Variants in FCN2 observed in about 807,000 individuals in gnomAD.
FCN2 encodes ficolin 2, also known as ficolin-2.
A neutral mutation model predicts 32.5 loss-of-function variants in FCN2; 31 were observed. The ratio of observed to expected loss-of-function variants is 0.96; its 90% CI spans 0.72 to 1.29. FCN2 has a LOEUF of 1.29. Ranked by LOEUF, FCN2 falls within the 50% of genes most tolerant of loss-of-function variation. The pLI is 0.00. For missense variants in FCN2, 412 were observed against 406.5 expected (o/e 1.01, Z -0.12); for synonymous variants, 181 against 164.5 (o/e 1.10, Z -0.77).
the FCN2 span, among the ~76,000 whole-genome samples, chr9:134,864,263 A>T: frequency 6.6e-6 from 1 of 152,202 alleles, no homozygotes; most frequent in Non-Finnish European, 1.5e-5. Flanking sequence ...TGCGGGCCTC[A>T]GGCAGTGTTC....
the FCN2 span, among the ~76,000 whole-genome samples, chr9:134,873,909 G>GTTTTTTTTTTTTTTTTTTTTTTTTTT: frequency 5.5e-5 from 1 of 18,334 alleles, no homozygotes; most frequent in Non-Finnish European, 1.0e-4. Context: ...GTTTTTTTTT[G>GTTTTTTTTTTTTTTTTTTTTTTTTTT]TTTTTGTTTT....
At position 134,887,202 on chromosome 9, in the gene FCN2, C is replaced by T. The variant is rs149631143; in HGVS notation, c.729C>T (p.Phe243=). The T allele has an allele frequency of 7.1e-4, 1,144 of 1,614,146 alleles. 7 individuals are homozygous for T. The African/African-American group carries it at 0.014, about 19-fold the overall frequency. The change falls in exon 8 of 8, where the codon TTC becomes TTT. Residue 243 remains phenylalanine (F), a synonymous_variant. Transcript: ENST00000291744. The stretch of plus-strand genomic sequence containing the variant: ...TGACGTTCCACAACAACCAGTCCTT[C>T]TCCACCAAAGACCAGGACAATGATC... ...DSLTFHNNQS[F]STKDQDNDLN...
intron 3 of FCN2, among the ~76,000 whole-genome samples, chr9:134,883,928 G>A (rs1471253126): frequency 6.7e-6 from 1 of 150,024 alleles, no homozygotes; most frequent in Admixed American, 6.6e-5. Flanking sequence ...CCCTGTGGGT[G>A]GGCCTGAGAC....
In FCN2 at chr9:134,886,515, G is replaced by A. The variant is rs1216528549; in HGVS notation, c.645G>A (p.Glu215=). 1.2e-6 allele frequency: 2 copies of A among 1,614,084 alleles called. No individual in the cohort carries two copies. Among genetic ancestry groups the A allele is most frequent in the African/African-American group, 1.3e-5 (1 of 74,928 alleles). The part of the protein sequence containing the change: ...AKYRSFKVAD[E]AEKYNLVLGA... ...ACAGATCATTCAAGGTGGCCGACGA[G>A]GCGGAGAAGTACAATCTGGTCCTGG... Residue 215 remains glutamate, a synonymous_variant, in exon 7 of 8, where the codon GAG becomes GAA. Coordinates refer to ENST00000291744, the MANE Select transcript of FCN2 (RefSeq NM_004108.3).
chr9:134,885,993 C>T, intron 6 of FCN2, 96 bp downstream of exon 6: 2 of 1,319,410 alleles, frequency 1.5e-6, no homozygotes, highest in Non-Finnish European at 1.0e-6. Flanking sequence ...AGCCTCTTGG[C>T]CCACAGGGGA....
At chr9:134,885,211 G>A in intron 4 of FCN2, 28 bp from the exon 5 acceptor site, 2 of 1,613,746 alleles carry the variant, frequency 1.2e-6, no homozygotes, top group Non-Finnish European at 1.7e-6. Flanking sequence ...CTCCTGTCCT[G>A]CAGCCATTCC....
chr9:134,877,872 T>G (rs923391753), upstream of FCN2, among the ~76,000 whole-genome samples: 2 of 152,184 alleles, frequency 1.3e-5, no homozygotes, highest in African/African-American at 2.4e-5. Flanking sequence ...TTGATTGGAT[T>G]GAAGGATGCT....
At chr9:134,885,426 C>G (rs942485294) in intron 5 of FCN2, 60 bp downstream of exon 5, 5 of 1,595,812 alleles carry the variant, frequency 3.1e-6, no homozygotes, top group Admixed American at 3.5e-5. Context: ...AGGCTGCACA[C>G]CTGGTGGGAG....
rs1564209129 is a variant in FCN2 at position 134,887,219 on chromosome 9, A to G, written c.746A>G (p.Asp249Gly). Residue 249 changes from aspartate to glycine, a missense_variant, in exon 8 of 8, where the codon GAC becomes GGC. By Grantham distance (94) the Asp-to-Gly change is moderately conservative. Transcript: ENST00000291744. ...CAGTCCTTCTCCACCAAAGACCAGG[A>G]CAATGATCTTAACACCGGAAATTGT... ...NNQSFSTKDQDNDLNTGNCAV... is the reference protein window; with the variant it reads ...NNQSFSTKDQGNDLNTGNCAV... 3.1e-6 allele frequency: 5 copies of G among 1,614,054 alleles called. No individual in the cohort carries two copies. The highest frequency in any genetic ancestry group is 3.4e-6 in the Non-Finnish European group (4 of 1,179,974).
the FCN2 span, among the ~76,000 whole-genome samples, chr9:134,872,477 T>A: frequency 2.6e-5 from 4 of 152,150 alleles, no homozygotes; most frequent in Non-Finnish European, 5.9e-5. Flanking sequence ...GTACGATAGG[T>A]GTATTAGCCC....
chr9:134,887,086 G>A (rs1431378958), intron 7 of FCN2, 82 bp from the exon 8 acceptor site: 8 of 1,543,168 alleles, frequency 5.2e-6, no homozygotes, highest in Non-Finnish European at 7.2e-6. Context: ...GGACACACCA[G>A]GCCAGGCCTC....
chr9:134,868,757 C>T, the FCN2 span, among the ~76,000 whole-genome samples: 2 of 152,200 alleles, frequency 1.3e-5, no homozygotes, highest in African/African-American at 4.8e-5. This position sits in a 1 kb window ranked among gnomAD's most constrained non-coding sequence, Gnocchi z 4.3. Flanking sequence ...ATGCCATGGC[C>T]GTTTGCCCTG....
intron 6 of FCN2, among the ~76,000 whole-genome samples, 191 bp from the exon 7 acceptor site, chr9:134,886,239 A>G (rs1830753105): frequency 6.6e-6 from 1 of 152,114 alleles, no homozygotes; most frequent in African/African-American, 2.4e-5. Context: ...TTGGGAGTCA[A>G]GAGTCTTGCC....
chr9:134,872,510 T>C, the FCN2 span, among the ~76,000 whole-genome samples: 7 of 152,122 alleles, frequency 4.6e-5, no homozygotes, highest in South Asian at 2.1e-4. Flanking sequence ...CTCGTAAAGA[T>C]TGGGTAATTT....
chr9:134,885,285 C>T lies in FCN2; in HGVS notation c.348C>T (p.Ser116=), dbSNP rs748093561. The change falls in exon 5 of 8, where the codon AGC becomes AGT. Residue 116 remains serine, a synonymous_variant. Transcript: ENST00000291744. ...KDLLDRGHFL[S]GWHTIYLPDC... is the part of the protein sequence containing the mutation. ...TGCTAGACCGAGGGCACTTCCTGAG[C>T]GGCTGGCACACCATCTACCTGCCCG... 2.7e-5 allele frequency: 43 copies of T among 1,614,034 alleles called. No homozygotes were observed. The highest frequency in any genetic ancestry group is 3.3e-5 in the South Asian group (3 of 91,096).
At chr9:134,873,638 T>C in the FCN2 span, among the ~76,000 whole-genome samples, 1 of 152,224 alleles carries the variant, frequency 6.6e-6, no homozygotes, top group Non-Finnish European at 1.5e-5. Flanking sequence ...GCCTACAACA[T>C]ATGATTTGCA....
chr9:134,884,670 G>A (rs960569621), intron 3 of FCN2, 70 bp from the exon 4 acceptor site: 31 of 1,477,386 alleles, frequency 2.1e-5, no homozygotes, highest in African/African-American at 1.1e-4. Flanking sequence ...TGGTGTCCGC[G>A]GACCAATGGG....
In FCN2 at chr9:134,882,810, C is replaced by T. The variant is rs73565972; in HGVS notation, c.214+171C>T. 8.2e-3 allele frequency among the ~76,000 whole-genome samples: 1,249 copies of T among 152,252 alleles called. 16 individuals carry two copies. The highest frequency in any genetic ancestry group is 0.028 in the African/African-American group (1,173 of 41,552). On this transcript the variant is annotated intron_variant, in intron 2 of 7. Transcript: ENST00000291744. ...CAACAGGGTTCTGACATGGAGGGAG[C>T]GTCTTTCTTAGCTATTTCATGAGCT...
Position 134,887,212 on chromosome 9 carries a change from G to C in FCN2, c.739G>C (p.Asp247His), listed in dbSNP as rs780414546. ...FHNNQSFSTKDQDNDLNTGNC... is the reference protein window; with the variant it reads ...FHNNQSFSTKHQDNDLNTGNC... ...CAACAACCAGTCCTTCTCCACCAAA[G>C]ACCAGGACAATGATCTTAACACCGG... is the stretch of plus-strand genomic sequence containing the variant. The change falls in exon 8 of 8, where the codon GAC (aspartate) becomes CAC (histidine). Residue 247 changes from aspartate to histidine, a missense_variant. Transcript: ENST00000291744. The C allele has an allele frequency of 1.9e-6, 3 of 1,614,182 alleles. No individual in the cohort carries two copies. Among genetic ancestry groups the C allele is most frequent in the Non-Finnish European group, 2.5e-6 (3 of 1,180,016 alleles).
Sources: gnomAD v4.1 joint callset for allele counts (sites outside exome capture counted in the v4.1 genomes callset) on GRCh38, gnomAD v4.1.1 for gene constraint, Gnocchi (gnomAD v3.1) non-coding constraint, MANE v1.5 for transcripts, NCBI Gene and HGNC (gene_info 2026-07-23, HGNC 2026-07-21) for gene names.